The following OSBPL1A variants were observed in gnomAD, a reference collection of about 807,000 sequenced individuals.
The protein encoded by OSBPL1A is oxysterol binding protein like 1A, also known as oxysterol-binding protein-related protein 1.
OSBPL1A carries 80 observed loss-of-function variants against 137.1 expected under a neutral mutation model. That is an observed-to-expected ratio of 0.58 (90% confidence interval 0.49 to 0.70). OSBPL1A has a LOEUF of 0.70. Ranked by LOEUF, OSBPL1A falls within the 30% of genes least tolerant of loss-of-function variation. The pLI, the probability that OSBPL1A is intolerant of heterozygous loss-of-function variation, is 0.00. For missense variants in OSBPL1A, 970 were observed against 1,129.4 expected (o/e 0.86, Z 2.02); for synonymous variants, 365 against 389.7 (o/e 0.94, Z 0.75).
chr18:24,216,459 A>G (rs1203884264), intron 17 of OSBPL1A, among the ~76,000 whole-genome samples: 1 of 152,234 alleles, frequency 6.6e-6, no homozygotes, highest in African/African-American at 2.4e-5. Context: ...GTGAGCCGAG[A>G]TAGTGCCACT....
At chr18:24,314,060 G>A (rs1191452089) in intron 12 of OSBPL1A, among the ~76,000 whole-genome samples, 189 bp downstream of exon 12, 3 of 152,260 alleles carry the variant, frequency 2.0e-5, no homozygotes, top group South Asian at 2.1e-4. Context: ...AGCTGAGATC[G>A]CGCCACTGCA....
chr18:24,328,675 G>A (rs988358469), intron 7 of OSBPL1A, among the ~76,000 whole-genome samples: 1 of 152,128 alleles, frequency 6.6e-6, no homozygotes, highest in Non-Finnish European at 1.5e-5. Flanking sequence ...CTCCAGGACA[G>A]TTCATTATGT....
At chr18:24,326,175 GAA>G (rs1489183132) in intron 7 of OSBPL1A, among the ~76,000 whole-genome samples, 2 of 152,220 alleles carry the variant, frequency 1.3e-5, no homozygotes, top group African/African-American at 4.8e-5. Context: ...ATATCCACAT[GAA>G]GTACTTTCCA....
intron 7 of OSBPL1A, among the ~76,000 whole-genome samples, chr18:24,321,028 C>CAA (rs368453121): frequency 0.18 from 12,135 of 67,906 alleles, 718 homozygotes; most frequent in Non-Finnish European, 0.29. Context: ...GACTTCGTCT[C>CAA]AAAAAAAAAA....
At chr18:24,391,309 A>C (rs1208653915) in intron 1 of OSBPL1A, among the ~76,000 whole-genome samples, 1 of 152,224 alleles carries the variant, frequency 6.6e-6, no homozygotes, top group East Asian at 1.9e-4. Flanking sequence ...ATAGGGAGTA[A>C]TGTTTAACAG....
At chr18:24,255,432 C>T (rs2089241130) in intron 15 of OSBPL1A, among the ~76,000 whole-genome samples, 1 of 152,154 alleles carries the variant, frequency 6.6e-6, no homozygotes, top group Admixed American at 6.5e-5. Context: ...CTGCTTAGGG[C>T]CAGCCTGCCT....
chr18:24,344,617 C>T (rs181808085), intron 4 of OSBPL1A, among the ~76,000 whole-genome samples: 16 of 152,102 alleles, frequency 1.1e-4, no homozygotes, highest in Admixed American at 5.2e-4. Context: ...ATTTTAGGTG[C>T]GTGAAGTTTC....
intron 5 of OSBPL1A, among the ~76,000 whole-genome samples, chr18:24,334,631 AAGGT>A (rs1453428906): frequency 1.3e-5 from 2 of 152,190 alleles, no homozygotes; most frequent in Admixed American, 1.3e-4. Flanking sequence ...TTGCCTTGGA[AAGGT>A]AGGTAAGTGG....
intron 14 of OSBPL1A, among the ~76,000 whole-genome samples, chr18:24,293,030 T>G (rs1357635898): frequency 7.5e-6 from 1 of 132,920 alleles, no homozygotes; most frequent in East Asian, 2.3e-4. Flanking sequence ...CGCTTGAACC[T>G]GGGGGCGGAG....
intron 2 of OSBPL1A, among the ~76,000 whole-genome samples, chr18:24,376,727 A>G (rs1906180538): frequency 6.6e-6 from 1 of 152,246 alleles, no homozygotes; most frequent in African/African-American, 2.4e-5. Context: ...CCTGCCCCGC[A>G]GGAAGGCAGC....
intron 4 of OSBPL1A, among the ~76,000 whole-genome samples, chr18:24,360,143 G>A (rs1299209379): frequency 6.6e-6 from 1 of 152,116 alleles, no homozygotes; most frequent in African/African-American, 2.4e-5. Context: ...TAATTTTTTT[G>A]TATTTTTAGT....
intron 4 of OSBPL1A, among the ~76,000 whole-genome samples, chr18:24,345,541 C>T (rs997271594): frequency 1.3e-5 from 2 of 152,062 alleles, no homozygotes; most frequent in Non-Finnish European, 2.9e-5. Context: ...AAAAAATTAG[C>T]CAGGCGTAGT....
At chr18:24,189,664 T>C (rs57690458) in intron 18 of OSBPL1A, among the ~76,000 whole-genome samples, 14 of 152,130 alleles carry the variant, frequency 9.2e-5, no homozygotes, top group African/African-American at 2.4e-4. Flanking sequence ...TTCCCCCCGC[T>C]CCACACGATG....
At position 24,178,065 on chromosome 18, in the gene OSBPL1A, C is replaced by T; in HGVS notation, c.2041G>A (p.Gly681Arg). Residue 681 changes from glycine to arginine, a missense_variant, in exon 21 of 28, where the codon GGG (glycine) becomes AGG (arginine). This residue lies in a region of OSBPL1A where 323 missense variants were observed against 456.8 expected (regional missense o/e 0.71). Coordinates refer to ENST00000319481, the MANE Select transcript of OSBPL1A (RefSeq NM_080597.4). ...GSIYPKLKFW[G>R]KSVEAEPKGT... ...TTGGGTTCTGCTTCTACACTCTTCCCCCAGAATTTCAGTTTGGGATAGATA... is the reference window on the plus strand; with the variant it reads ...TTGGGTTCTGCTTCTACACTCTTCCTCCAGAATTTCAGTTTGGGATAGATA... The T allele has an allele frequency of 6.2e-7, 1 of 1,613,966 alleles. No homozygotes were observed. Among genetic ancestry groups the T allele is most frequent in the Non-Finnish European group, 8.5e-7 (1 of 1,179,960 alleles).
intron 5 of OSBPL1A, among the ~76,000 whole-genome samples, chr18:24,336,612 A>T (rs912665255): frequency 2.0e-5 from 3 of 152,234 alleles, no homozygotes; most frequent in Admixed American, 2.0e-4. Flanking sequence ...CAAATGCTAC[A>T]AATCCAAAAA....
chr18:24,213,010 A>G (rs1342075827), intron 17 of OSBPL1A, among the ~76,000 whole-genome samples: 1 of 152,234 alleles, frequency 6.6e-6, no homozygotes, highest in Admixed American at 6.5e-5. Flanking sequence ...TACAGTCATC[A>G]CAAAGTTCTC....
chr18:24,349,170 GA>G lies in OSBPL1A; in HGVS notation c.283-7513del, dbSNP rs1053391409. Among the ~76,000 whole-genome samples, 8 of 146,150 alleles carry G rather than the reference GA, an allele frequency of 5.5e-5. No homozygotes were observed. The East Asian group carries it at 8.0e-4, about 15-fold the overall frequency. On this transcript the variant is annotated intron_variant, in intron 4 of 27. Coordinates refer to ENST00000319481, the MANE Select transcript of OSBPL1A (RefSeq NM_080597.4). ...AGACAGAGTAAGACCCTGTCTCAAA[GA>G]AAAAAAAAAGTCTTACTCATGCTCT...
At chr18:24,381,417 G>A (rs1266641935) in intron 1 of OSBPL1A, among the ~76,000 whole-genome samples, 2 of 152,188 alleles carry the variant, frequency 1.3e-5, no homozygotes, top group Admixed American at 6.5e-5. Flanking sequence ...TGCACAGATG[G>A]ACCTAACAGA....
chr18:24,369,370 C>G (rs73394387), intron 2 of OSBPL1A, among the ~76,000 whole-genome samples: 3,287 of 152,266 alleles, frequency 0.022, 120 homozygotes, highest in African/African-American at 0.075. Flanking sequence ...CTATTTAGAG[C>G]TGAGGAAGCC....
Sources: gnomAD v4.1 joint callset for allele counts (sites outside exome capture counted in the v4.1 genomes callset) on GRCh38, gnomAD v4.1.1 for gene constraint, gnomAD v4.1.1 regional missense constraint, MANE v1.5 for transcripts, NCBI Gene and HGNC (gene_info 2026-07-23, HGNC 2026-07-21) for gene names.